The following LITAF variants were observed in gnomAD, a reference collection of about 807,000 sequenced individuals.
LITAF encodes the protein lipopolysaccharide induced TNF factor, also known as lipopolysaccharide-induced tumor necrosis factor-alpha factor.
Under a neutral mutation model 14.5 loss-of-function variants are expected in LITAF, and 9 were observed. The ratio of observed to expected loss-of-function variants is 0.62; its 90% CI spans 0.37 to 1.08. The LOEUF (loss-of-function observed/expected upper bound fraction) is 1.08, where lower values mean the gene tolerates loss of function less well. LITAF is among the 50% of genes least tolerant of loss of function. LITAF has a pLI of 0.01. For missense variants in LITAF, 206 were observed against 213.4 expected (o/e 0.97, Z 0.22); for synonymous variants, 98 against 88.2 (o/e 1.11, Z -0.62).
At position 11,605,325 on chromosome 16, in the gene LITAF, C is replaced by T. The variant is rs1474059502; in HGVS notation, c.85+28208G>A. Among the ~76,000 whole-genome samples the T allele has an allele frequency of 6.6e-6, 1 of 152,134 alleles. No individual in the cohort carries two copies. The highest frequency in any genetic ancestry group is 1.5e-5 in the Non-Finnish European group (1 of 68,004). ...ATGGGGGGATGCCACGCAGGTCTGG[C>T]TATGTCTTCAGAAACCCCCACGAGG... is the stretch of plus-strand genomic sequence containing the variant. On this transcript the variant is annotated intron_variant, in intron 3 of 3. Transcript: ENST00000574848. The surrounding 1 kb of genome is among the most constrained non-coding windows in gnomAD (Gnocchi z 4.7).
upstream of LITAF, among the ~76,000 whole-genome samples, chr16:11,601,954 G>T (rs1311294803): frequency 6.6e-6 from 1 of 152,164 alleles, no homozygotes; most frequent in Non-Finnish European, 1.5e-5. Flanking sequence ...CCTGTGCCTG[G>T]ATGGGATGTC....
chr16:11,562,838 A>G (rs939247038), intron 1 of LITAF, among the ~76,000 whole-genome samples: 2 of 152,168 alleles, frequency 1.3e-5, no homozygotes, highest in African/African-American at 2.4e-5. Context: ...TTGAGACTGC[A>G]ATAAGCTAGG....
At chr16:11,590,127 T>TA (rs61198634), upstream of LITAF, among the ~76,000 whole-genome samples, 41,090 of 86,112 alleles carry the variant, frequency 0.48, 14,487 homozygotes, top group African/African-American at 0.55. Context: ...ACCCCATCTC[T>TA]AAAAAAAAAA....
At chr16:11,588,494 GAA>G (rs1262285265), upstream of LITAF, among the ~76,000 whole-genome samples, 3 of 138,368 alleles carry the variant, frequency 2.2e-5, no homozygotes, top group Non-Finnish European at 4.7e-5. Flanking sequence ...AACAAAGAAA[GAA>G]AGAGGGAAAG....
At chr16:11,581,218 G>A (rs35901585) in intron 1 of LITAF, among the ~76,000 whole-genome samples, 24,362 of 152,200 alleles carry the variant, frequency 0.16, 2,070 homozygotes, top group South Asian at 0.23. Context: ...TATTTCATAG[G>A]CTCAATTATG....
chr16:11,614,083 G>A (rs1334588108), intron 3 of LITAF, among the ~76,000 whole-genome samples: 3 of 152,092 alleles, frequency 2.0e-5, no homozygotes, highest in Admixed American at 1.3e-4. Context: ...GCTTGTGCAG[G>A]CTCAGAAGGA....
chr16:11,576,534 CAAAAAAA>C (rs66551972), intron 1 of LITAF, among the ~76,000 whole-genome samples: 9 of 62,984 alleles, frequency 1.4e-4, no homozygotes, highest in Non-Finnish European at 2.5e-4. Flanking sequence ...TTACAATCTG[CAAAAAAA>C]AAAAAAAAAA....
rs35045596 is a variant in LITAF at position 11,551,880 on chromosome 16, TA to T, written c.377+1652del. On this transcript the variant is annotated intron_variant, in intron 3 of 3. Coordinates refer to ENST00000622633, the MANE Select transcript of LITAF (RefSeq NM_001136472.2). ...TTCCATCTTTCCCTGATTCCAAAGA[TA>T]AAAAATTTGTTTTAATACAAATATC... 10,791 of 465,282 alleles carry T rather than the reference TA, an allele frequency of 0.023. 544 individuals carry two copies. The highest frequency in any genetic ancestry group is 0.14 in the African/African-American group (6,967 of 48,844). The allele number at this position is 465,282 out of a possible 1,614,324, so 28.8% of individuals were successfully genotyped here.
At chr16:11,594,134 C>T (rs35097671) in intron 1 of LITAF, among the ~76,000 whole-genome samples, 56,833 of 150,990 alleles carry the variant, frequency 0.38, 11,010 homozygotes, top group East Asian at 0.53. Context: ...TGCAGTGAGC[C>T]GAGATGGCGC....
chr16:11,563,479 A>C (rs913507396), intron 1 of LITAF, among the ~76,000 whole-genome samples: 1 of 152,110 alleles, frequency 6.6e-6, no homozygotes, highest in African/African-American at 2.4e-5. Context: ...AAAAATCATG[A>C]AAGGAAAATA....
intron 3 of LITAF, among the ~76,000 whole-genome samples, chr16:11,622,549 C>T (rs1049753209): frequency 2.6e-5 from 4 of 152,246 alleles, no homozygotes; most frequent in South Asian, 2.1e-4. Flanking sequence ...CCTCCCTACA[C>T]AACCCCCTTC....
In LITAF at chr16:11,549,871, G is replaced by A. The variant is rs79852290; in HGVS notation, c.378-126C>T. On this transcript the variant is annotated intron_variant, in intron 3 of 3. Transcript: ENST00000622633. This position sits in a 1 kb window ranked among gnomAD's most constrained non-coding sequence, Gnocchi z 4.6. ...TTGCCAGTATAATTAGGAATTTTGA[G>A]ATGGGATCATCTTGGATTATCCAGG... 67,516 of 765,576 alleles carry A rather than the reference G, an allele frequency of 0.088. 3,711 individuals are homozygous for A. The highest frequency in any genetic ancestry group is 0.11 in the Non-Finnish European group (49,320 of 442,540). 47.4% of individuals were successfully genotyped at this position (765,576 alleles called of 1,614,324 possible). A position where few individuals can be genotyped will look rare whatever the true frequency, so the allele number is the denominator to read the frequency against.
chr16:11,577,538 G>A (rs193097468), intron 1 of LITAF, among the ~76,000 whole-genome samples: 2 of 152,000 alleles, frequency 1.3e-5, no homozygotes, highest in African/African-American at 2.4e-5. Context: ...GGTTGGTCTC[G>A]AACTCATGAC....
intron 1 of LITAF, among the ~76,000 whole-genome samples, chr16:11,564,514 C>T (rs1240814169): frequency 6.6e-6 from 1 of 151,990 alleles, no homozygotes; most frequent in East Asian, 1.9e-4. Flanking sequence ...TCAACGTTTG[C>T]ACAATCAAAC....
At chr16:11,574,323 T>G (rs2064596030) in intron 1 of LITAF, among the ~76,000 whole-genome samples, 1 of 152,162 alleles carries the variant, frequency 6.6e-6, no homozygotes, top group South Asian at 2.1e-4. Flanking sequence ...ATTACAGGCA[T>G]GAGCCATCAT....
intron 2 of LITAF, among the ~76,000 whole-genome samples, chr16:11,635,256 C>T (rs921937164): frequency 6.6e-6 from 1 of 152,124 alleles, no homozygotes; most frequent in East Asian, 1.9e-4. Flanking sequence ...GACAGATGCA[C>T]CCACAGTGAT....
At position 11,632,743 on chromosome 16, in the gene LITAF, G is replaced by T. The variant is rs2065123899; in HGVS notation, c.85+790C>A. Among the ~76,000 whole-genome samples, 1 of 152,216 alleles carries T rather than the reference G, an allele frequency of 6.6e-6. No individual in the cohort carries two copies. On this transcript the variant is annotated intron_variant, in intron 3 of 3. Transcript: ENST00000574848. The surrounding 1 kb of genome is among the most constrained non-coding windows in gnomAD (Gnocchi z 4.8). ...ACTGGCTCTGCTGGCTCTGAGCGCA[G>T]AGTCCAGCCCCCATGCACATGACTA...
chr16:11,637,893 AAAAACTAT>A (rs2065144281), upstream of LITAF, among the ~76,000 whole-genome samples: 1 of 93,840 alleles, frequency 1.1e-5, no homozygotes, highest in African/African-American at 5.5e-5. Context: ...AAAAAAAAAA[AAAAACTAT>A]ATATATATAT....
chr16:11,614,795 C>T (rs2065006897), intron 3 of LITAF, among the ~76,000 whole-genome samples: 1 of 152,234 alleles, frequency 6.6e-6, no homozygotes, highest in Admixed American at 6.5e-5. Context: ...CAAATATCTT[C>T]TTACTTCCTC....
Sources: allele counts gnomAD v4.1 joint callset (sites outside exome capture counted in the v4.1 genomes callset), GRCh38; gene constraint gnomAD v4.1.1; non-coding constraint Gnocchi (gnomAD v3.1); transcripts MANE v1.5; gene names NCBI Gene and HGNC (gene_info 2026-07-23, HGNC 2026-07-21).